The following SS18 variants were observed in gnomAD, a reference collection of about 807,000 sequenced individuals.
SS18 encodes the protein protein SSXT.
A neutral mutation model predicts 72.5 loss-of-function variants in SS18; 28 were observed. The ratio of observed to expected loss-of-function variants is 0.39; its 90% CI spans 0.29 to 0.53. The LOEUF is 0.53. Among genes scored for constraint, SS18 ranks in the 20% least tolerant of loss-of-function variants. SS18 has a pLI of 0.76. For missense variants in SS18, 518 were observed against 535.3 expected (o/e 0.97, Z 0.32); for synonymous variants, 172 against 164.2 (o/e 1.05, Z -0.37).
rs570952142 is a variant in SS18, at chr18:26,049,999, C to A, written c.607+2625G>T. On this transcript the variant is annotated intron_variant, in intron 5 of 10. Coordinates refer to ENST00000415083, the MANE Select transcript of SS18 (RefSeq NM_001007559.3). ...CAGTGGCTTGCGCCTGTAATCCCAA[C>A]ACTTCGGGAGGCTGAGGTGGATGGA... is the stretch of plus-strand genomic sequence containing the variant. Among the ~76,000 whole-genome samples the A allele has an allele frequency of 5.9e-5, 9 of 152,318 alleles. No homozygotes were observed. In the East Asian group the frequency reaches 9.6e-4, roughly 16 times the overall value.
intron 3 of SS18, 127 bp downstream of exon 3, chr18:26,077,949 A>G (rs1249189160): frequency 5.2e-6 from 3 of 572,954 alleles, no homozygotes; most frequent in Non-Finnish European, 8.9e-6. Context: ...ATAACATAGA[A>G]TACTTTCATG....
intron 3 of SS18, among the ~76,000 whole-genome samples, chr18:26,062,714 T>C (rs1440559085): frequency 6.6e-6 from 1 of 152,136 alleles, no homozygotes; most frequent in Admixed American, 6.5e-5. Context: ...ATCATGCAAA[T>C]ACTAATTAAA....
chr18:26,038,509 T>G, intron 7 of SS18, 46 bp downstream of exon 7: 2 of 1,506,166 alleles, frequency 1.3e-6, no homozygotes, highest in Non-Finnish European at 1.8e-6. Flanking sequence ...TACATTAATA[T>G]TAGGCAGGGA....
chr18:26,041,741 G>A (rs868059499), intron 5 of SS18, among the ~76,000 whole-genome samples: 2 of 148,454 alleles, frequency 1.3e-5, no homozygotes, highest in Non-Finnish European at 3.0e-5. Flanking sequence ...AACCACAATA[G>A]CCAAAAGAAA....
At chr18:26,056,136 G>C (rs2054017076) in intron 4 of SS18, among the ~76,000 whole-genome samples, 2 of 152,136 alleles carry the variant, frequency 1.3e-5, no homozygotes, top group Non-Finnish European at 2.9e-5. Flanking sequence ...ATAATAACTA[G>C]CTTATAAAAG....
chr18:26,076,100 C>G (rs190623548), intron 3 of SS18, among the ~76,000 whole-genome samples: 105 of 151,794 alleles, frequency 6.9e-4, no homozygotes, highest in African/African-American at 2.2e-3. Context: ...GCAATGCTCA[C>G]GATTTGGAAA....
chr18:26,024,672 T>C (rs1264452073), intron 10 of SS18, among the ~76,000 whole-genome samples: 1 of 152,172 alleles, frequency 6.6e-6, no homozygotes, highest in African/African-American at 2.4e-5. Context: ...AATGGTGACT[T>C]GTATGATATG....
intron 10 of SS18, among the ~76,000 whole-genome samples, chr18:26,021,900 G>C (rs1187636838): frequency 6.6e-6 from 1 of 152,158 alleles, no homozygotes; most frequent in Non-Finnish European, 1.5e-5. Flanking sequence ...TGTCGAGTAG[G>C]CATCTAATTT....
intron 10 of SS18, among the ~76,000 whole-genome samples, chr18:26,027,912 A>G (rs1039072970): frequency 6.6e-6 from 1 of 151,978 alleles, no homozygotes; most frequent in Non-Finnish European, 1.5e-5. Context: ...GATTTCTTAC[A>G]CATGATCCCA....
intron 5 of SS18, 26 bp downstream of exon 5, chr18:26,052,598 T>G: frequency 6.4e-7 from 1 of 1,574,000 alleles, no homozygotes; most frequent in Non-Finnish European, 8.7e-7. Flanking sequence ...AGCACTCTAG[T>G]CAAGAAGGAC....
intron 2 of SS18, among the ~76,000 whole-genome samples, chr18:26,079,923 A>G (rs933993755): frequency 1.2e-4 from 18 of 151,856 alleles, no homozygotes; most frequent in Admixed American, 9.2e-4. Context: ...CTCCTGTTAC[A>G]AACAACAGGT....
intron 4 of SS18, among the ~76,000 whole-genome samples, chr18:26,054,744 T>TC (rs1404992298): frequency 1.5e-4 from 20 of 134,920 alleles, no homozygotes; most frequent in Non-Finnish European, 2.5e-4. Context: ...TCTCTCTCTC[T>TC]TTTTTTTTTT....
intron 10 of SS18, among the ~76,000 whole-genome samples, chr18:26,022,246 C>A (rs1406998281): frequency 6.6e-6 from 1 of 152,022 alleles, no homozygotes; most frequent in African/African-American, 2.4e-5. Flanking sequence ...GTGCTGTGCT[C>A]TACTAGGTGA....
intron 1 of SS18, chr18:26,090,205 A>C (rs1457330730): frequency 2.3e-6 from 1 of 441,762 alleles, no homozygotes; most frequent in African/African-American, 2.1e-5. Flanking sequence ...CGCCGGGCGC[A>C]CGCGCCCCGC....
intron 5 of SS18, among the ~76,000 whole-genome samples, chr18:26,050,903 C>T (rs938902455): frequency 4.2e-5 from 6 of 144,106 alleles, no homozygotes; most frequent in East Asian, 1.9e-4. Flanking sequence ...AGCCAGACGC[C>T]GTCTCAAAAT....
intron 5 of SS18, among the ~76,000 whole-genome samples, chr18:26,049,278 G>T (rs981150750): frequency 6.6e-6 from 1 of 151,594 alleles, no homozygotes; most frequent in African/African-American, 2.4e-5. Flanking sequence ...TGTACTTGTT[G>T]ATTAAATAAA....
At chr18:26,091,062 C>G (rs948773673), upstream of SS18, 1 of 159,482 alleles carries the variant, frequency 6.3e-6, no homozygotes, top group African/African-American at 2.4e-5. Flanking sequence ...TGCCCTAGAC[C>G]TAGTTCAGTT....
At chr18:26,043,726 G>C (rs577505973) in intron 5 of SS18, among the ~76,000 whole-genome samples, 29 of 152,188 alleles carry the variant, frequency 1.9e-4, no homozygotes, top group Non-Finnish European at 3.8e-4. Context: ...AGAAAATGTA[G>C]GATGACTAGC....
intron 5 of SS18, among the ~76,000 whole-genome samples, chr18:26,044,907 A>T (rs1478966027): frequency 6.6e-6 from 1 of 152,102 alleles, no homozygotes; most frequent in Admixed American, 6.5e-5. Flanking sequence ...TCAGCAATAT[A>T]CCCTGTGTGT....
Sources: gnomAD v4.1 joint callset for allele counts (sites outside exome capture counted in the v4.1 genomes callset) on GRCh38, gnomAD v4.1.1 for gene constraint, MANE v1.5 for transcripts, NCBI Gene and HGNC (gene_info 2026-07-23, HGNC 2026-07-21) for gene names.